Variants in CFAP44 observed in about 807,000 individuals in gnomAD.
CFAP44 encodes cilia and flagella associated protein 44, also known as cilia- and flagella-associated protein 44.
A neutral mutation model predicts 216.2 loss-of-function variants in CFAP44; 134 were observed. The ratio of observed to expected loss-of-function variants is 0.62; its 90% CI spans 0.54 to 0.72. The LOEUF (loss-of-function observed/expected upper bound fraction) is 0.72, where lower values mean the gene tolerates loss of function less well. Among genes scored for constraint, CFAP44 ranks in the 30% least tolerant of loss-of-function variants. CFAP44 has a pLI of 0.00. For missense variants in CFAP44, 2,035 were observed against 2,182.1 expected (o/e 0.93, Z 1.34); for synonymous variants, 700 against 727.6 (o/e 0.96, Z 0.61).
At chr3:113,428,376 T>C (rs1935018230) in intron 2 of CFAP44, among the ~76,000 whole-genome samples, 1 of 152,126 alleles carries the variant, frequency 6.6e-6, no homozygotes, top group Non-Finnish European at 1.5e-5. Context: ...TAATGGGTAT[T>C]CTGAGCCTGG....
chr3:113,421,647 T>C (rs1431719981), intron 4 of CFAP44, among the ~76,000 whole-genome samples: 2 of 152,204 alleles, frequency 1.3e-5, no homozygotes, highest in Non-Finnish European at 2.9e-5. Context: ...CATGAAATAC[T>C]ATACAGCCGT....
intron 24 of CFAP44, among the ~76,000 whole-genome samples, chr3:113,341,087 C>T (rs752758278): frequency 3.3e-5 from 5 of 152,200 alleles, no homozygotes; most frequent in Non-Finnish European, 7.3e-5. Context: ...CCAATGTGTC[C>T]CTCATGATGT....
chr3:113,326,097 A>C (rs1185832963), intron 28 of CFAP44, among the ~76,000 whole-genome samples: 2 of 152,256 alleles, frequency 1.3e-5, no homozygotes, highest in Non-Finnish European at 2.9e-5. Flanking sequence ...AAAAAAAGCA[A>C]ATGATCCTAT....
intron 7 of CFAP44, among the ~76,000 whole-genome samples, 155 bp from the exon 8 acceptor site, chr3:113,407,196 C>T (rs6438146): frequency 0.51 from 78,108 of 151,954 alleles, 20,908 homozygotes; most frequent in East Asian, 0.68. Flanking sequence ...CTACTACCTG[C>T]CCGGCAAGGT....
Position 113,423,064 on chromosome 3 carries a change from A to C in CFAP44, c.408-2885T>G, listed in dbSNP as rs980220819. Reference sequence around the variant, plus strand: ...TATTCAGGAAATGTTTGTTGAACTAATGAATTCATTAATTTGTGCATAACT... The same window carrying C: ...TATTCAGGAAATGTTTGTTGAACTACTGAATTCATTAATTTGTGCATAACT... On this transcript the variant is annotated intron_variant, in intron 4 of 34. Coordinates refer to ENST00000393845, the MANE Select transcript of CFAP44 (RefSeq NM_001164496.2). Among the ~76,000 whole-genome samples, 56 of 149,988 alleles carry C rather than the reference A, an allele frequency of 3.7e-4. 1 individual carries two copies. Among genetic ancestry groups the C allele is most frequent in the South Asian group, 1.3e-3 (6 of 4,734 alleles).
chr3:113,409,029 A>AAATT, intron 7 of CFAP44, 77 bp downstream of exon 7: 1 of 710,110 alleles, frequency 1.4e-6, no homozygotes, highest in Non-Finnish European at 2.1e-6. Flanking sequence ...AAAAAAAAAA[A>AAATT]GTCTCCAGCT....
At chr3:113,435,685 C>T (rs1360855316) in intron 1 of CFAP44, among the ~76,000 whole-genome samples, 1 of 149,298 alleles carries the variant, frequency 6.7e-6, no homozygotes, top group African/African-American at 2.5e-5. Flanking sequence ...GCTAGGATAG[C>T]ACCACTGCAC....
intron 9 of CFAP44, among the ~76,000 whole-genome samples, chr3:113,403,619 T>A (rs1934198679): frequency 6.6e-6 from 1 of 152,146 alleles, no homozygotes; most frequent in South Asian, 2.1e-4. Flanking sequence ...TTCAACAGAA[T>A]CAGAATAACA....
At chr3:113,299,857 G>A (rs6438137) in intron 32 of CFAP44, among the ~76,000 whole-genome samples, 42,942 of 152,004 alleles carry the variant, frequency 0.28, 6,812 homozygotes, top group African/African-American at 0.43. Context: ...GCAAGATCCC[G>A]TCTCTACAAA....
intron 15 of CFAP44, among the ~76,000 whole-genome samples, chr3:113,386,653 A>G (rs529766239): frequency 1.5e-4 from 23 of 152,328 alleles, no homozygotes; most frequent in African/African-American, 5.1e-4. Context: ...ATGGCTGATT[A>G]GAAGCCTCCA....
chr3:113,388,303 T>G (rs566070638), intron 15 of CFAP44, among the ~76,000 whole-genome samples: 8 of 152,282 alleles, frequency 5.3e-5, no homozygotes, highest in African/African-American at 1.4e-4. Context: ...ATTAGTTTGT[T>G]TATAAAATCA....
intron 24 of CFAP44, among the ~76,000 whole-genome samples, chr3:113,337,535 C>G (rs1950291217): frequency 6.6e-6 from 1 of 152,138 alleles, no homozygotes; most frequent in Admixed American, 6.5e-5. Flanking sequence ...AATCACTCTA[C>G]TGGATTTCAA....
rs778948456 is a variant in CFAP44 at position 113,363,210 on chromosome 3, T to C, written c.2869A>G (p.Ser957Gly). 1 of 1,613,320 alleles carries C rather than the reference T, an allele frequency of 6.2e-7. No homozygotes were observed. Among genetic ancestry groups the C allele is most frequent in the Admixed American group, 1.7e-5 (1 of 59,910 alleles). ...RKREQIKALRSEFCNLLEMNE... is the reference protein window; with the variant it reads ...RKREQIKALRGEFCNLLEMNE... ...ATTTCTAATAGATTACAAAATTCAC[T>C]CCTCAAAGCTTTGATTTGCTCTCTC... The change falls in exon 21 of 35, where the codon AGT becomes GGT. Residue 957 changes from serine (S) to glycine (G), a missense_variant. Ser to Gly is a moderately conservative substitution (Grantham distance 56). This residue lies in a region of CFAP44 where 1,883 missense variants were observed against 2,023.7 expected (regional missense o/e 0.93). Transcript: ENST00000393845.
intron 15 of CFAP44, among the ~76,000 whole-genome samples, chr3:113,385,110 A>T (rs7638599): frequency 0.37 from 55,937 of 151,948 alleles, 10,949 homozygotes; most frequent in East Asian, 0.58. Flanking sequence ...CCTTCACAAG[A>T]CTTCTTCTTG....
In CFAP44 at chr3:113,401,603, T is replaced by C. The variant is rs773062344; in HGVS notation, c.1307A>G (p.Asn436Ser). ...ACACACCTGAGCCAACCAAAAGTTATTTCCAGTTTCATTCATTTTTATCAT... is the reference window on the plus strand; with the variant it reads ...ACACACCTGAGCCAACCAAAAGTTACTTCCAGTTTCATTCATTTTTATCAT... ...FSMIKMNETGNNFWLAQDANG... is the reference protein window; with the variant it reads ...FSMIKMNETGSNFWLAQDANG... The change falls in exon 10 of 35, where the codon AAT (asparagine) becomes AGT (serine). Residue 436 changes from asparagine to serine, a missense_variant. Asn to Ser is a conservative substitution (Grantham distance 46, BLOSUM62 1). Coordinates refer to ENST00000393845, the MANE Select transcript of CFAP44 (RefSeq NM_001164496.2). 3.8e-5 allele frequency: 61 copies of C among 1,613,200 alleles called. No individual in the cohort carries two copies. The South Asian group carries it at 6.5e-4, about 17-fold the overall frequency.
At chr3:113,306,547 T>C (rs1949987498) in intron 29 of CFAP44, among the ~76,000 whole-genome samples, 1 of 152,184 alleles carries the variant, frequency 6.6e-6, no homozygotes, top group Non-Finnish European at 1.5e-5. Flanking sequence ...TGAGCAGTAC[T>C]CTGAAGCAGG....
intron 1 of CFAP44, among the ~76,000 whole-genome samples, chr3:113,435,678 A>T (rs1315715606): frequency 1.3e-5 from 2 of 151,158 alleles, no homozygotes; most frequent in Admixed American, 1.3e-4. Context: ...GCAGTGAGCT[A>T]GGATAGCACC....
intron 31 of CFAP44, 90 bp downstream of exon 31, chr3:113,304,946 C>CAAAGAA: frequency 1.8e-6 from 2 of 1,138,060 alleles, no homozygotes; most frequent in Non-Finnish European, 2.5e-6. Context: ...CACGATTCTC[C>CAAAGAA]CCATTAGTGA....
chr3:113,429,338 C>T (rs1262941565), intron 2 of CFAP44, among the ~76,000 whole-genome samples: 1 of 151,990 alleles, frequency 6.6e-6, no homozygotes, highest in Non-Finnish European at 1.5e-5. Context: ...CTTAATTGAT[C>T]CTTTTATCTT....
Sources: gnomAD v4.1 joint callset for allele counts (sites outside exome capture counted in the v4.1 genomes callset) on GRCh38, gnomAD v4.1.1 for gene constraint, gnomAD v4.1.1 regional missense constraint, MANE v1.5 for transcripts, NCBI Gene and HGNC (gene_info 2026-07-23, HGNC 2026-07-21) for gene names.